Variants in GEMIN5 observed in about 807,000 individuals in gnomAD.
GEMIN5 encodes the protein gem-associated protein 5.
A neutral mutation model predicts 176.9 loss-of-function variants in GEMIN5; 124 were observed. That is an observed-to-expected ratio of 0.70 (90% confidence interval 0.61 to 0.81). The LOEUF (loss-of-function observed/expected upper bound fraction) is 0.81, where lower values mean the gene tolerates loss of function less well. GEMIN5 is among the 40% of genes least tolerant of loss of function. The pLI is 0.00. For missense variants in GEMIN5, 1,843 were observed against 1,814.6 expected (o/e 1.02, Z -0.28); for synonymous variants, 673 against 665.2 (o/e 1.01, Z -0.18).
At chr5:154,890,841 G>GC (rs1561706862) in intron 26 of GEMIN5, among the ~76,000 whole-genome samples, 1 of 152,080 alleles carries the variant, frequency 6.6e-6, no homozygotes, top group Non-Finnish European at 1.5e-5. Context: ...TTGACTCACT[G>GC]CAACCTCTGC....
chr5:154,926,668 T>C (rs1443154871), intron 7 of GEMIN5, among the ~76,000 whole-genome samples: 1 of 152,192 alleles, frequency 6.6e-6, no homozygotes, highest in Admixed American at 6.5e-5. Context: ...AACCATAGCA[T>C]GAGGACCTAA....
chr5:154,912,023 G>GT, intron 14 of GEMIN5, 125 bp from the exon 15 acceptor site: 2 of 818,924 alleles, frequency 2.4e-6, no homozygotes, highest in Non-Finnish European at 3.8e-6. Flanking sequence ...ATTTCCTCAG[G>GT]TGATTTAGAG....
At chr5:154,918,388 C>A (rs1305004545) in intron 11 of GEMIN5, among the ~76,000 whole-genome samples, 1 of 152,198 alleles carries the variant, frequency 6.6e-6, no homozygotes, top group Non-Finnish European at 1.5e-5. Flanking sequence ...TTCCCTGAAT[C>A]ATTTCCCTCC....
intron 12 of GEMIN5, 32 bp from the exon 13 acceptor site, chr5:154,917,211 A>C: frequency 8.0e-7 from 1 of 1,254,678 alleles, no homozygotes; most frequent in Non-Finnish European, 1.1e-6. Context: ...AACAAGAAAG[A>C]TGGATGATCA....
chr5:154,902,264 T>C (rs1763480842), intron 20 of GEMIN5, among the ~76,000 whole-genome samples: 1 of 152,202 alleles, frequency 6.6e-6, no homozygotes, highest in Non-Finnish European at 1.5e-5. Context: ...GACTACAGAC[T>C]TGTGCCATTA....
intron 3 of GEMIN5, among the ~76,000 whole-genome samples, chr5:154,933,434 A>G (rs967294040): frequency 6.6e-6 from 1 of 152,162 alleles, no homozygotes; most frequent in African/African-American, 2.4e-5. Flanking sequence ...CTGTGTGAAT[A>G]TTTCAAAGTT....
At chr5:154,937,459 AAAT>A (rs1479540786) in intron 1 of GEMIN5, among the ~76,000 whole-genome samples, 1 of 152,244 alleles carries the variant, frequency 6.6e-6, no homozygotes, top group Non-Finnish European at 1.5e-5. Flanking sequence ...AAAGCAGCTC[AAAT>A]AATGTGAAAG....
intron 2 of GEMIN5, 23 bp from the exon 3 acceptor site, chr5:154,936,045 G>C: frequency 3.4e-6 from 5 of 1,464,128 alleles, no homozygotes; most frequent in Non-Finnish European, 4.7e-6. Context: ...ACAAAAATTT[G>C]TTATTGTCAA....
At chr5:154,913,901 T>C (rs892838357) in intron 13 of GEMIN5, among the ~76,000 whole-genome samples, 2 of 152,188 alleles carry the variant, frequency 1.3e-5, no homozygotes, top group African/African-American at 2.4e-5. Context: ...CTCAGGAGAC[T>C]GAGGTGGGAG....
chr5:154,910,743 G>C (rs1396954038), intron 15 of GEMIN5, among the ~76,000 whole-genome samples: 1 of 152,170 alleles, frequency 6.6e-6, no homozygotes, highest in Non-Finnish European at 1.5e-5. Flanking sequence ...GTGTCACCCA[G>C]GCTGGAGTAC....
chr5:154,907,354 TAAG>T (rs1763588381), intron 16 of GEMIN5, among the ~76,000 whole-genome samples: 2 of 152,120 alleles, frequency 1.3e-5, no homozygotes, highest in African/African-American at 2.4e-5. Flanking sequence ...CCAAGTTGAA[TAAG>T]AAGTTTTCTC....
rs769650401 is a variant in GEMIN5, at chr5:154,912,926, T to A, written c.1968A>T (p.Val656=). 1 of 1,613,832 alleles carries A rather than the reference T, an allele frequency of 6.2e-7. No individual in the cohort carries two copies. The highest frequency in any genetic ancestry group is 1.3e-5 in the African/African-American group (1 of 75,048). ...AWSPHHDGRL[V]SASYDGTAQV... is the part of the protein sequence containing the mutation. ...GGGCTGTACCATCATAGGAAGCAGATACCAGCCTTCCATCATGATGTGGGC... is the reference window on the plus strand; with the variant it reads ...GGGCTGTACCATCATAGGAAGCAGAAACCAGCCTTCCATCATGATGTGGGC... Residue 656 remains valine (V), a synonymous_variant, in exon 14 of 28, where the codon GTA becomes GTT. Coordinates refer to ENST00000285873, the MANE Select transcript of GEMIN5 (RefSeq NM_015465.5).
chr5:154,894,389 TTGTG>T (rs1253679920), intron 24 of GEMIN5, among the ~76,000 whole-genome samples: 1 of 152,242 alleles, frequency 6.6e-6, no homozygotes, highest in Non-Finnish European at 1.5e-5. Flanking sequence ...GTACAAGTCT[TTGTG>T]TGGCCATCTG....
intron 23 of GEMIN5, among the ~76,000 whole-genome samples, 180 bp from the exon 24 acceptor site, chr5:154,896,523 G>C (rs1425102241): frequency 6.6e-6 from 1 of 152,188 alleles, no homozygotes; most frequent in Non-Finnish European, 1.5e-5. Context: ...CGATCTGACA[G>C]ACACTTCCCA....
chr5:154,889,468 T>C (rs1161899332), intron 26 of GEMIN5, 51 bp from the exon 27 acceptor site: 3 of 990,258 alleles, frequency 3.0e-6, no homozygotes, highest in Non-Finnish European at 4.7e-6. Context: ...CTGGGTAACA[T>C]TTTTCTCCCA....
Position 154,891,639 on chromosome 5 carries a change from G to T in GEMIN5, c.3864C>A (p.Phe1288Leu). The T allele has an allele frequency of 6.2e-7, 1 of 1,614,090 alleles. No individual in the cohort carries two copies. The highest frequency in any genetic ancestry group is 1.3e-5 in the African/African-American group (1 of 75,036). Residue 1288 changes from phenylalanine to leucine, a missense_variant, in exon 26 of 28, where the codon TTC becomes TTA. Coordinates refer to ENST00000285873, the MANE Select transcript of GEMIN5 (RefSeq NM_015465.5). ...AFFLYGRLYE[F>L]WWSLSRPCPN... The stretch of plus-strand genomic sequence containing the variant: ...GGCAAGGTCTGGAGAGAGACCACCA[G>T]AATTCATACAGACGCCCATAAAGAA...
chr5:154,933,428 G>A (rs1764205728), intron 3 of GEMIN5, among the ~76,000 whole-genome samples: 1 of 152,088 alleles, frequency 6.6e-6, no homozygotes, highest in Admixed American at 6.5e-5. Flanking sequence ...ACTGCACTGT[G>A]TGAATATTTC....
chr5:154,893,058 C>T (rs1763271441), intron 24 of GEMIN5, among the ~76,000 whole-genome samples: 2 of 151,974 alleles, frequency 1.3e-5, no homozygotes, highest in Admixed American at 1.3e-4. Flanking sequence ...GATTGCGCCA[C>T]TGCACTCCAG....
chr5:154,896,048 T>C (rs768196713), intron 24 of GEMIN5, 44 bp downstream of exon 24: 2 of 1,603,690 alleles, frequency 1.2e-6, no homozygotes, highest in Non-Finnish European at 1.7e-6. Context: ...AAGGAAGTCT[T>C]ACCACTGAGT....
Sources: allele counts gnomAD v4.1 joint callset (sites outside exome capture counted in the v4.1 genomes callset), GRCh38; gene constraint gnomAD v4.1.1; transcripts MANE v1.5; gene names NCBI Gene and HGNC (gene_info 2026-07-23, HGNC 2026-07-21).